CLVS1: variants seen among roughly 807,000 people sequenced by gnomAD.
CLVS1 encodes clavesin 1, also known as clavesin-1.
Under a neutral mutation model 33.1 loss-of-function variants are expected in CLVS1, and 10 were observed. The ratio of observed to expected loss-of-function variants is 0.30; its 90% CI spans 0.19 to 0.51. CLVS1 has a LOEUF of 0.51. Ranked by LOEUF, CLVS1 falls within the 20% of genes least tolerant of loss-of-function variation. The probability of loss-of-function intolerance (pLI) is 0.97; values close to 1 mark genes in which losing one functional copy is unlikely to be tolerated. For missense variants in CLVS1, 343 were observed against 433.4 expected (o/e 0.79, Z 1.85); for synonymous variants, 163 against 166.1 (o/e 0.98, Z 0.14).
At chr8:61,023,478 T>A in the CLVS1 span, among the ~76,000 whole-genome samples, 2 of 152,246 alleles carry the variant, frequency 1.3e-5, no homozygotes, top group Admixed American at 6.5e-5. Flanking sequence ...CATCCCACAG[T>A]TATTCAAATT....
At chr8:61,070,673 C>T (rs899604389) in intron 1 of CLVS1, among the ~76,000 whole-genome samples, 55 of 152,280 alleles carry the variant, frequency 3.6e-4, no homozygotes, top group African/African-American at 1.2e-3. Flanking sequence ...GACCCCATCT[C>T]TACACAAAAT....
At chr8:61,063,450 C>T (rs1804622417) in intron 1 of CLVS1, among the ~76,000 whole-genome samples, 1 of 152,082 alleles carries the variant, frequency 6.6e-6, no homozygotes, top group Non-Finnish European at 1.5e-5. Context: ...AGACAGGGAC[C>T]TGTGCACGTC....
chr8:61,014,085 G>GTTTTTTTTTTTTTTT, the CLVS1 span, among the ~76,000 whole-genome samples: 1 of 126,818 alleles, frequency 7.9e-6, no homozygotes. Flanking sequence ...ACTTTTTAGT[G>GTTTTTTTTTTTTTTT]TTTTTTTTTT....
chr8:61,028,924 C>G, the CLVS1 span, among the ~76,000 whole-genome samples: 6 of 152,220 alleles, frequency 3.9e-5, no homozygotes, highest in Non-Finnish European at 8.8e-5. Flanking sequence ...TTGTAAAACT[C>G]TCTCATTTTG....
At chr8:61,372,233 A>G (rs1359360444) in intron 2 of CLVS1, among the ~76,000 whole-genome samples, 1 of 152,174 alleles carries the variant, frequency 6.6e-6, no homozygotes, top group Middle Eastern at 3.2e-3. Context: ...ATAAATGTAA[A>G]TGATTTGGTA....
intron 2 of CLVS1, among the ~76,000 whole-genome samples, chr8:61,254,233 C>T (rs142959648): frequency 0.077 from 11,665 of 151,230 alleles, 608 homozygotes; most frequent in East Asian, 0.17. Context: ...TGCAGAACAG[C>T]GGATATTGGT....
intron 2 of CLVS1, among the ~76,000 whole-genome samples, chr8:61,190,617 A>C (rs1807450195): frequency 6.6e-6 from 1 of 152,224 alleles, no homozygotes; most frequent in South Asian, 2.1e-4. Context: ...CAAAATTGAT[A>C]GACCTCTAGC....
chr8:61,119,732 T>C (rs201267801), intron 1 of CLVS1, among the ~76,000 whole-genome samples: 50,919 of 91,390 alleles, frequency 0.56, 16,525 homozygotes, highest in East Asian at 0.95. Flanking sequence ...GGGTTTCTGC[T>C]GAGAGATCCG....
intron 3 of CLVS1, among the ~76,000 whole-genome samples, chr8:61,416,567 G>C (rs1450946118): frequency 6.6e-6 from 1 of 152,142 alleles, no homozygotes; most frequent in Non-Finnish European, 1.5e-5. Flanking sequence ...AAGAGCAAGA[G>C]AAACACCCAA....
chr8:61,216,350 A>T (rs1808086299), intron 2 of CLVS1, among the ~76,000 whole-genome samples: 1 of 152,214 alleles, frequency 6.6e-6, no homozygotes, highest in Non-Finnish European at 1.5e-5. Flanking sequence ...CATGCTCTGG[A>T]AGCCACAGAG....
At chr8:60,965,691 T>A in the CLVS1 span, 1 of 152,266 alleles carries the variant, frequency 6.6e-6, no homozygotes, top group African/African-American at 2.4e-5. Context: ...GGTGCATTCG[T>A]TCCCTGGTTG....
chr8:61,423,722 C>T (rs2129604759), intron 3 of CLVS1, among the ~76,000 whole-genome samples: 1 of 152,186 alleles, frequency 6.6e-6, no homozygotes, highest in African/African-American at 2.4e-5. Context: ...GGGTACTGCC[C>T]ACATAGATTT....
Position 61,346,485 on chromosome 8 carries a change from C to T in CLVS1, c.456-30120C>T, listed in dbSNP as rs553407143. Among the ~76,000 whole-genome samples the T allele has an allele frequency of 9.9e-5, 15 of 152,136 alleles. No individual in the cohort carries two copies. The South Asian group carries it at 2.7e-3, about 27-fold the overall frequency. ...TAAAGCCTTATAGATATGTTGCGCT[C>T]GCTACAATATAATAATAAAGATTCC... On this transcript the variant is annotated intron_variant, in intron 2 of 5. Transcript: ENST00000325897.
chr8:61,215,682 A>ATG (rs72193127), intron 2 of CLVS1, among the ~76,000 whole-genome samples: 6,260 of 143,612 alleles, frequency 0.044, 183 homozygotes, highest in Non-Finnish European at 0.059. Context: ...GAAATTGAAA[A>ATG]TGTGTGTGTG....
At chr8:61,439,950 G>A (rs1261178345) in intron 3 of CLVS1, among the ~76,000 whole-genome samples, 2 of 152,048 alleles carry the variant, frequency 1.3e-5, no homozygotes, top group Non-Finnish European at 2.9e-5. Flanking sequence ...TTTCACATAA[G>A]GCTTTTTCAT....
chr8:61,109,379 C>T (rs757786196), intron 1 of CLVS1, among the ~76,000 whole-genome samples: 3 of 152,116 alleles, frequency 2.0e-5, no homozygotes, highest in Non-Finnish European at 4.4e-5. Flanking sequence ...AAATCCAGCA[C>T]ACCCGGTTAA....
intron 2 of CLVS1, among the ~76,000 whole-genome samples, chr8:61,347,692 A>G (rs1371253435): frequency 7.6e-6 from 1 of 130,928 alleles, no homozygotes; most frequent in Admixed American, 7.9e-5. Flanking sequence ...ATCCTGAAGT[A>G]TACATTGTGG....
At chr8:61,480,667 G>T in intron 5 of CLVS1, among the ~76,000 whole-genome samples, 1 of 152,102 alleles carries the variant, frequency 6.6e-6, no homozygotes, top group East Asian at 1.9e-4. Context: ...CCCATCTTCT[G>T]CGTCGCTTCT....
At chr8:61,440,593 T>A (rs747852471) in intron 3 of CLVS1, among the ~76,000 whole-genome samples, 1 of 152,208 alleles carries the variant, frequency 6.6e-6, no homozygotes, top group Non-Finnish European at 1.5e-5. Context: ...TAGGGAATAT[T>A]GTTTAGGTTG....
Sources: allele counts gnomAD v4.1 joint callset (sites outside exome capture counted in the v4.1 genomes callset), GRCh38; gene constraint gnomAD v4.1.1; transcripts MANE v1.5; gene names NCBI Gene and HGNC (gene_info 2026-07-23, HGNC 2026-07-21).